Variants in PRRX2 observed in about 807,000 individuals in gnomAD.
PRRX2 encodes the protein paired mesoderm homeobox protein 2.
A neutral mutation model predicts 18.0 loss-of-function variants in PRRX2; 11 were observed. The ratio of observed to expected loss-of-function variants is 0.61; its 90% CI spans 0.39 to 1.01. The LOEUF (loss-of-function observed/expected upper bound fraction) is 1.01. Ranked by LOEUF, PRRX2 falls within the 50% of genes least tolerant of loss-of-function variation. The pLI is 0.01. For synonymous variants in PRRX2, 177 were observed against 154.8 expected (o/e 1.14, Z -1.06); for missense variants, 387 against 351.0 (o/e 1.10, Z -0.82).
chr9:129,708,273 C>G (rs1486041177), intron 1 of PRRX2, among the ~76,000 whole-genome samples: 2 of 152,190 alleles, frequency 1.3e-5, no homozygotes, highest in Admixed American at 1.3e-4. Flanking sequence ...TGACCTCAAG[C>G]AGTCCACCTG....
At chr9:129,694,564 C>T (rs957175834) in intron 1 of PRRX2, among the ~76,000 whole-genome samples, 1 of 152,156 alleles carries the variant, frequency 6.6e-6, no homozygotes, top group African/African-American at 2.4e-5. Context: ...CATGCGTGCT[C>T]GGCAGGGAGG....
At chr9:129,693,087 T>G (rs1317642824) in intron 1 of PRRX2, among the ~76,000 whole-genome samples, 6 of 152,206 alleles carry the variant, frequency 3.9e-5, no homozygotes. Context: ...ATTCTGGGCA[T>G]TCTAATAGCC....
intron 1 of PRRX2, among the ~76,000 whole-genome samples, chr9:129,684,532 A>ACACACCCCCC: frequency 7.1e-6 from 1 of 140,282 alleles, no homozygotes; most frequent in Non-Finnish European, 1.5e-5. Context: ...ACCCACACAC[A>ACACACCCCCC]CCCCAACAGA....
rs971574318 is a variant in PRRX2, at chr9:129,720,656, C to G, written c.508C>G (p.Arg170Gly). ...RRNERAMLASRSASLLKSYSQ... is the reference protein window; with the variant it reads ...RRNERAMLASGSASLLKSYSQ... ...GAATGAAAGGGCCATGCTGGCCAGC[C>G]GCTCTGCCTCGCTGCTCAAGTCCTA... The change falls in exon 3 of 4, where the codon CGC becomes GGC. Residue 170 changes from arginine (R) to glycine (G), a missense_variant. Arg to Gly is a moderately radical substitution (Grantham distance 125). Coordinates refer to ENST00000372469, the MANE Select transcript of PRRX2 (RefSeq NM_016307.4). 2 of 1,613,314 alleles carry G rather than the reference C, an allele frequency of 1.2e-6. No individual in the cohort carries two copies. Among genetic ancestry groups the G allele is most frequent in the African/African-American group, 1.3e-5 (1 of 74,906 alleles).
At chr9:129,693,421 C>T (rs1832384566) in intron 1 of PRRX2, among the ~76,000 whole-genome samples, 1 of 152,106 alleles carries the variant, frequency 6.6e-6, no homozygotes, top group Non-Finnish European at 1.5e-5. Context: ...TGGCGAAACC[C>T]CGTCTCTACT....
In PRRX2 at chr9:129,675,697, C is replaced by T. The variant is rs950809870; in HGVS notation, c.259+9571C>T. ...CTTGCCGTGGGCGCAGACGTTTACACGCCAGAGATGGCGTTATTAAAAATG... is the reference window on the plus strand; with the variant it reads ...CTTGCCGTGGGCGCAGACGTTTACATGCCAGAGATGGCGTTATTAAAAATG... On this transcript the variant is annotated intron_variant, in intron 1 of 3. Transcript: ENST00000372469. This position sits in a 1 kb window ranked among gnomAD's most constrained non-coding sequence, Gnocchi z 4.4. Among the ~76,000 whole-genome samples, 16 of 151,896 alleles carry T rather than the reference C, an allele frequency of 1.1e-4. No homozygotes were observed. Among genetic ancestry groups the T allele is most frequent in the African/African-American group, 2.7e-4 (11 of 41,360 alleles).
intron 1 of PRRX2, among the ~76,000 whole-genome samples, chr9:129,704,124 G>A (rs1437348014): frequency 3.3e-5 from 5 of 152,334 alleles, no homozygotes; most frequent in Non-Finnish European, 7.3e-5. Flanking sequence ...TTTTCTGCAC[G>A]CCTGTGTTTT....
At chr9:129,672,606 G>C (rs1440579371) in intron 1 of PRRX2, among the ~76,000 whole-genome samples, 1 of 152,172 alleles carries the variant, frequency 6.6e-6, no homozygotes, top group East Asian at 1.9e-4. Flanking sequence ...GGGTTGGGGG[G>C]TTTCTCCTTA....
chr9:129,721,848 T>G (rs1369347956), intron 3 of PRRX2, among the ~76,000 whole-genome samples: 1 of 152,100 alleles, frequency 6.6e-6, no homozygotes, highest in Non-Finnish European at 1.5e-5. Context: ...CCCAAAGTGT[T>G]GGGATTACAG....
chr9:129,674,494 C>T (rs962446584), intron 1 of PRRX2, among the ~76,000 whole-genome samples: 3 of 152,006 alleles, frequency 2.0e-5, no homozygotes, highest in Non-Finnish European at 2.9e-5. Flanking sequence ...GATTGGGGAC[C>T]GGGCAACAGG....
chr9:129,681,131 C>G (rs911085686), intron 1 of PRRX2, among the ~76,000 whole-genome samples: 1 of 152,208 alleles, frequency 6.6e-6, no homozygotes, highest in Non-Finnish European at 1.5e-5. Context: ...TCCGGCAAAG[C>G]TGGGTTCCAT....
Position 129,675,486 on chromosome 9 carries a change from C to T in PRRX2, c.259+9360C>T, listed in dbSNP as rs1033995268. 5.9e-5 allele frequency among the ~76,000 whole-genome samples: 9 copies of T among 152,060 alleles called. No individual in the cohort carries two copies. The highest frequency in any genetic ancestry group is 2.1e-4 in the South Asian group (1 of 4,824). On this transcript the variant is annotated intron_variant, in intron 1 of 3. Transcript: ENST00000372469. This position sits in a 1 kb window ranked among gnomAD's most constrained non-coding sequence, Gnocchi z 4.4. The stretch of plus-strand genomic sequence containing the variant: ...GACAAGCCCCCTCCTGGCATCCTGC[C>T]GGCACCTCCTGCCCCCCTGCTACCC...
At chr9:129,693,749 A>G (rs1832387861) in intron 1 of PRRX2, among the ~76,000 whole-genome samples, 1 of 152,238 alleles carries the variant, frequency 6.6e-6, no homozygotes, top group Admixed American at 6.5e-5. Flanking sequence ...GCCACCACCA[A>G]GGCCTTGGAA....
chr9:129,715,750 T>TCTCTCTCTCTCTCTCTCTCACACACA lies in PRRX2; in HGVS notation c.260-3480_260-3479insTCTCTCTCTCTCTCTCTCACACACAC, dbSNP rs762929485. Among the ~76,000 whole-genome samples the TCTCTCTCTCTCTCTCTCTCACACACA allele has an allele frequency of 5.0e-5, 7 of 138,948 alleles. No homozygotes were observed. In the East Asian group the frequency reaches 1.1e-3, roughly 23 times the overall value. The allele number at this position is 138,948 out of a possible 152,430, so 91.2% of individuals were successfully genotyped here. A position where few individuals can be genotyped will look rare whatever the true frequency, so the allele number is the denominator to read the frequency against. ...AAACCCAGCTTCAGGGACATCTTTCTCACACACACACACACACACACACAC... is the reference window on the plus strand; with the variant it reads ...AAACCCAGCTTCAGGGACATCTTTCTCTCTCTCTCTCTCTCTCTCACACACACACACACACACACACACACACACAC... On this transcript the variant is annotated intron_variant, in intron 1 of 3. Transcript: ENST00000372469. The surrounding 1 kb of genome is among the most constrained non-coding windows in gnomAD (Gnocchi z 4.0).
At chr9:129,712,885 C>G (rs1227628025) in intron 1 of PRRX2, 1 of 152,240 alleles carries the variant, frequency 6.6e-6, no homozygotes, top group Admixed American at 6.5e-5. Context: ...AGGGACCTGA[C>G]GCCAGTGGCC....
At position 129,719,214 on chromosome 9, in the gene PRRX2, C is replaced by A. The variant is rs772088334; in HGVS notation, c.260-17C>A. On this transcript the variant is annotated splice_polypyrimidine_tract_variant and intron_variant, in intron 1 of 3. Transcript: ENST00000372469. ...CTGGCCGTCCTGCTGACCATCCCGC[C>A]CCCCCAACCTCCGCAGGTGAGTGTC... 6.4e-6 allele frequency: 10 copies of A among 1,550,848 alleles called. No homozygotes were observed. Among genetic ancestry groups the A allele is most frequent in the East Asian group, 4.6e-5 (2 of 43,532 alleles).
chr9:129,670,465 C>T (rs994109127), intron 1 of PRRX2, among the ~76,000 whole-genome samples: 1 of 152,108 alleles, frequency 6.6e-6, no homozygotes, highest in African/African-American at 2.4e-5. Context: ...ACCTCCGCCT[C>T]CTGGGTTCAG....
intron 1 of PRRX2, among the ~76,000 whole-genome samples, chr9:129,700,325 T>TTTG (rs1262979362): frequency 6.7e-6 from 1 of 148,658 alleles, no homozygotes; most frequent in African/African-American, 2.5e-5. Flanking sequence ...TTTTTTTTGG[T>TTTG]TTGTTGTTGT....
chr9:129,702,340 A>G (rs1463880209), intron 1 of PRRX2, among the ~76,000 whole-genome samples: 5 of 150,206 alleles, frequency 3.3e-5, no homozygotes, highest in Non-Finnish European at 5.9e-5. Flanking sequence ...GGAGCTTGCA[A>G]TGAGCAGAGA....
Sources: allele counts gnomAD v4.1 joint callset (sites outside exome capture counted in the v4.1 genomes callset), GRCh38; gene constraint gnomAD v4.1.1; non-coding constraint Gnocchi (gnomAD v3.1); transcripts MANE v1.5; gene names NCBI Gene and HGNC (gene_info 2026-07-23, HGNC 2026-07-21).